CORIN: variants seen among roughly 807,000 people sequenced by gnomAD.
The protein encoded by CORIN is corin, serine peptidase.
In CORIN, 117 loss-of-function variants were observed where a neutral mutation model predicts 125.3. The observed-to-expected ratio is 0.93, with a 90% CI of 0.80 to 1.09. CORIN has a LOEUF of 1.09. CORIN is among the 50% of genes least tolerant of loss of function. The pLI, the probability that CORIN is intolerant of heterozygous loss-of-function variation, is 0.00. For missense variants in CORIN, 1,253 were observed against 1,306.7 expected (o/e 0.96, Z 0.63); for synonymous variants, 450 against 466.4 (o/e 0.96, Z 0.45).
chr4:47,600,176 T>A (rs565343034), intron 21 of CORIN, 38 bp downstream of exon 21: 1 of 1,580,120 alleles, frequency 6.3e-7, no homozygotes, highest in South Asian at 1.2e-5. Context: ...GAAGTTATTG[T>A]TGAACTGAAT....
chr4:47,737,507 A>G (rs4695274), intron 5 of CORIN, among the ~76,000 whole-genome samples: 14,890 of 152,226 alleles, frequency 0.098, 862 homozygotes, highest in East Asian at 0.27. Context: ...ACATAGACTC[A>G]ACTATTTTGG....
At chr4:47,627,222 G>A (rs1423988208) in intron 16 of CORIN, among the ~76,000 whole-genome samples, 2 of 151,960 alleles carry the variant, frequency 1.3e-5, no homozygotes, top group African/African-American at 4.8e-5. Context: ...ACCTCAAGTG[G>A]TCTGCCCACC....
rs1721180041 is a variant in CORIN, at chr4:47,594,572, A to G, written c.*1149T>C. The G allele has an allele frequency of 6.6e-6, 1 of 152,322 alleles. No individual in the cohort carries two copies. The allele number at this position is 152,322 out of a possible 1,614,324, so 9.4% of individuals were successfully genotyped here. A position where few individuals can be genotyped will look rare whatever the true frequency, so the allele number is the denominator to read the frequency against. ...AATGAGAAGAAACCAGATATTAAAC[A>G]TCTTTTGAGGAAAATTACAAAATGT... On this transcript the variant is annotated 3_prime_UTR_variant, in exon 22 of 22. Coordinates refer to ENST00000273857, the MANE Select transcript of CORIN (RefSeq NM_006587.4).
intron 16 of CORIN, among the ~76,000 whole-genome samples, chr4:47,641,334 T>C (rs1342077616): frequency 6.6e-6 from 1 of 152,132 alleles, no homozygotes; most frequent in Non-Finnish European, 1.5e-5. Flanking sequence ...CCCTGAAAAT[T>C]ATTGCTTTCC....
At position 47,692,993 on chromosome 4, in the gene CORIN, T is replaced by C. The variant is rs1412666715; in HGVS notation, c.890A>G (p.Asp297Gly). The C allele has an allele frequency of 6.2e-7, 1 of 1,613,766 alleles. No individual in the cohort carries two copies. The highest frequency in any genetic ancestry group is 1.7e-5 in the Admixed American group (1 of 59,994). Residue 297 changes from aspartate to glycine, a missense_variant, in exon 6 of 22, where the codon GAC (aspartate) becomes GGC (glycine). Transcript: ENST00000273857. ...LQCNGYNDCDDWSDEAHCNCS... is the reference protein window; with the variant it reads ...LQCNGYNDCDGWSDEAHCNCS... ...ACTGCAATGAGCCTCGTCACTCCAGTCGTCACAGTCGTTGTAGCCATTACA... is the reference window on the plus strand; with the variant it reads ...ACTGCAATGAGCCTCGTCACTCCAGCCGTCACAGTCGTTGTAGCCATTACA...
At chr4:47,612,130 A>G (rs1317637068) in intron 19 of CORIN, among the ~76,000 whole-genome samples, 1 of 152,204 alleles carries the variant, frequency 6.6e-6, no homozygotes, top group Non-Finnish European at 1.5e-5. Flanking sequence ...TAGTTTTGGT[A>G]GATATGGTAC....
chr4:47,735,413 A>G (rs1728080430), intron 5 of CORIN, among the ~76,000 whole-genome samples: 1 of 152,206 alleles, frequency 6.6e-6, no homozygotes. Context: ...CAAGAATTCT[A>G]AAAAAGATTA....
chr4:47,614,489 A>G lies in CORIN; in HGVS notation c.2540+9082T>C, dbSNP rs143764630. On this transcript the variant is annotated intron_variant, in intron 19 of 21. Coordinates refer to ENST00000273857, the MANE Select transcript of CORIN (RefSeq NM_006587.4). ...GCTGGGATTAGAGGCGTGAGCCACC[A>G]TACTTGGCCCTTTACCTCCAATTTC... Among the ~76,000 whole-genome samples the G allele has an allele frequency of 6.0e-3, 919 of 152,232 alleles. 2 individuals carry two copies. The highest frequency in any genetic ancestry group is 0.031 in the Middle Eastern group (9 of 294).
At chr4:47,751,822 AT>A (rs1292907163) in intron 4 of CORIN, among the ~76,000 whole-genome samples, 5 of 152,324 alleles carry the variant, frequency 3.3e-5, no homozygotes, top group Admixed American at 3.3e-4. Context: ...TGCCTGGCAC[AT>A]TATAGGCACC....
intron 5 of CORIN, among the ~76,000 whole-genome samples, chr4:47,739,918 A>G (rs1157272229): frequency 6.6e-6 from 1 of 151,928 alleles, no homozygotes; most frequent in Non-Finnish European, 1.5e-5. Flanking sequence ...AGCACAACCA[A>G]TAAGAATAAC....
At chr4:47,805,849 A>T (rs562053150) in intron 2 of CORIN, among the ~76,000 whole-genome samples, 8 of 152,352 alleles carry the variant, frequency 5.3e-5, no homozygotes, top group African/African-American at 1.9e-4. Flanking sequence ...AAAAATTCAA[A>T]ATCATTGGCA....
intron 2 of CORIN, 30 bp from the exon 3 acceptor site, chr4:47,786,955 C>T: frequency 6.8e-7 from 1 of 1,475,854 alleles, no homozygotes; most frequent in Non-Finnish European, 9.3e-7. Flanking sequence ...ACAAAAAAAA[C>T]CTATCTTTGA....
At chr4:47,827,443 T>C (rs1014445656) in intron 1 of CORIN, among the ~76,000 whole-genome samples, 1 of 152,156 alleles carries the variant, frequency 6.6e-6, no homozygotes, top group Non-Finnish European at 1.5e-5. Context: ...GAGAAGAAAA[T>C]GGAGCCTAAG....
At chr4:47,639,199 G>GATGA (rs1723143113) in intron 16 of CORIN, among the ~76,000 whole-genome samples, 1 of 152,144 alleles carries the variant, frequency 6.6e-6, no homozygotes, top group South Asian at 2.1e-4. Context: ...TGAATGAACG[G>GATGA]ATGAATGAAT....
intron 1 of CORIN, among the ~76,000 whole-genome samples, chr4:47,831,731 G>A (rs1338709054): frequency 6.6e-6 from 1 of 152,120 alleles, no homozygotes. Context: ...GTAATGGGTT[G>A]AATAGTGTCT....
intron 12 of CORIN, among the ~76,000 whole-genome samples, chr4:47,660,164 C>G (rs1274252406): frequency 6.6e-6 from 1 of 152,166 alleles, no homozygotes; most frequent in African/African-American, 2.4e-5. Flanking sequence ...ACCCCTATCT[C>G]TCACCACATA....
At chr4:47,631,543 T>C (rs1428767556) in intron 16 of CORIN, among the ~76,000 whole-genome samples, 1 of 152,040 alleles carries the variant, frequency 6.6e-6, no homozygotes, top group African/African-American at 2.4e-5. Flanking sequence ...CAAGCTCAGG[T>C]TTCCCACTGA....
intron 5 of CORIN, among the ~76,000 whole-genome samples, chr4:47,697,955 G>T (rs1726098994): frequency 6.6e-6 from 1 of 151,868 alleles, no homozygotes; most frequent in East Asian, 1.9e-4. Flanking sequence ...TCCTCCATCT[G>T]CAAGGCTTGT....
At chr4:47,686,047 A>G (rs7661217) in intron 6 of CORIN, among the ~76,000 whole-genome samples, 76,375 of 145,064 alleles carry the variant, frequency 0.53, 20,798 homozygotes, top group Non-Finnish European at 0.59. Flanking sequence ...TACTGTAAAC[A>G]TCCCATACTA....
Sources: allele counts gnomAD v4.1 joint callset (sites outside exome capture counted in the v4.1 genomes callset), GRCh38; gene constraint gnomAD v4.1.1; transcripts MANE v1.5; gene names NCBI Gene and HGNC (gene_info 2026-07-23, HGNC 2026-07-21).